The following TBC1D19 variants were observed in gnomAD, a reference collection of about 807,000 sequenced individuals.
TBC1D19 encodes TBC1 domain family member 19.
TBC1D19 carries 60 observed loss-of-function variants against 89.0 expected under a neutral mutation model. That is an observed-to-expected ratio of 0.67 (90% CI 0.55 to 0.84). TBC1D19 has a LOEUF of 0.84. TBC1D19 is among the 40% of genes least tolerant of loss of function. The pLI is 0.00. For missense variants in TBC1D19, 500 were observed against 610.8 expected (o/e 0.82, Z 1.91); for synonymous variants, 189 against 199.7 (o/e 0.95, Z 0.45).
chr4:26,709,803 G>A (rs1716019021), intron 13 of TBC1D19, among the ~76,000 whole-genome samples: 1 of 151,968 alleles, frequency 6.6e-6, no homozygotes, highest in South Asian at 2.1e-4. Flanking sequence ...TGGGGAAACA[G>A]ATTCTTGGTG....
the TBC1D19 span, among the ~76,000 whole-genome samples, chr4:26,852,187 C>T: frequency 1.4e-4 from 21 of 152,308 alleles, no homozygotes; most frequent in Admixed American, 2.0e-4. Context: ...TCCATTCTTC[C>T]AGTTGCTTAA....
chr4:26,723,910 T>C (rs1717137134), intron 15 of TBC1D19, among the ~76,000 whole-genome samples: 1 of 152,088 alleles, frequency 6.6e-6, no homozygotes, highest in Admixed American at 6.5e-5. Context: ...TGAAAGTAAT[T>C]TCAAAGAATG....
At chr4:26,815,100 C>T in the TBC1D19 span, among the ~76,000 whole-genome samples, 1 of 152,088 alleles carries the variant, frequency 6.6e-6, no homozygotes, top group South Asian at 2.1e-4. Flanking sequence ...ACAACTATAT[C>T]ACTCATTAAA....
chr4:26,580,611 A>AT (rs557642672), upstream of TBC1D19, among the ~76,000 whole-genome samples: 178 of 152,296 alleles, frequency 1.2e-3, no homozygotes, highest in African/African-American at 4.1e-3. Flanking sequence ...ACACATCATG[A>AT]TTTTTGTTTA....
the TBC1D19 span, among the ~76,000 whole-genome samples, chr4:26,815,780 T>C: frequency 6.6e-6 from 1 of 152,234 alleles, no homozygotes; most frequent in South Asian, 2.1e-4. Flanking sequence ...TTGTCGGTAA[T>C]GTATAGTTAC....
chr4:26,595,002 A>G (rs1252881712), intron 1 of TBC1D19, among the ~76,000 whole-genome samples: 2 of 152,254 alleles, frequency 1.3e-5, no homozygotes, highest in Non-Finnish European at 2.9e-5. Context: ...GTGGTTAACC[A>G]TCAGAAACTG....
chr4:26,620,098 T>A (rs148220333), intron 3 of TBC1D19, among the ~76,000 whole-genome samples: 246 of 152,354 alleles, frequency 1.6e-3, no homozygotes, highest in African/African-American at 5.6e-3. Flanking sequence ...TATGTTCCAG[T>A]GGCCCTGACT....
At chr4:26,596,987 T>A (rs1740263186) in intron 1 of TBC1D19, among the ~76,000 whole-genome samples, 2 of 152,348 alleles carry the variant, frequency 1.3e-5, no homozygotes, top group Admixed American at 1.3e-4. Context: ...TAGCCCAGAA[T>A]ATACTCAGTT....
chr4:26,673,825 A>G lies in TBC1D19; in HGVS notation c.753A>G (p.Gly251=). The change falls in exon 11 of 21, where the codon GGA becomes GGG. Residue 251 remains glycine (G), a synonymous_variant. Transcript: ENST00000264866. ...CTGCTCAACAGTACATCAGACAAGGAAGTCCCACGGCACTGAGAGCTGAAT... is the reference window on the plus strand; with the variant it reads ...CTGCTCAACAGTACATCAGACAAGGGAGTCCCACGGCACTGAGAGCTGAAT... The part of the protein sequence containing the change: ...SAAAQQYIRQ[G]SPTALRAELW... 1 of 1,611,506 alleles carries G rather than the reference A, an allele frequency of 6.2e-7. No homozygotes were observed. The highest frequency in any genetic ancestry group is 8.5e-7 in the Non-Finnish European group (1 of 1,178,308).
At chr4:26,662,560 C>G (rs1745281444) in intron 8 of TBC1D19, among the ~76,000 whole-genome samples, 1 of 152,020 alleles carries the variant, frequency 6.6e-6, no homozygotes, top group Non-Finnish European at 1.5e-5. Context: ...ATGTGGCTGT[C>G]CAGTGAAAAG....
At chr4:26,830,699 G>C in the TBC1D19 span, among the ~76,000 whole-genome samples, 1 of 152,054 alleles carries the variant, frequency 6.6e-6, no homozygotes, top group Non-Finnish European at 1.5e-5. Context: ...ACTCTTTAAG[G>C]CTTCGTGTTT....
At chr4:26,770,713 G>T in the TBC1D19 span, among the ~76,000 whole-genome samples, 1 of 151,850 alleles carries the variant, frequency 6.6e-6, no homozygotes, top group Non-Finnish European at 1.5e-5. Flanking sequence ...TATATTTTGG[G>T]CCAAAAAACA....
At chr4:26,783,629 C>A in the TBC1D19 span, among the ~76,000 whole-genome samples, 1 of 152,078 alleles carries the variant, frequency 6.6e-6, no homozygotes, top group Non-Finnish European at 1.5e-5. Context: ...TGCAAAAGAA[C>A]TTGTCATCTC....
the TBC1D19 span, among the ~76,000 whole-genome samples, chr4:26,846,025 G>A: frequency 6.6e-6 from 1 of 152,110 alleles, no homozygotes; most frequent in Non-Finnish European, 1.5e-5. Context: ...TTTGTGTTTG[G>A]CTTTTTTCAC....
At chr4:26,687,799 A>T (rs1205934493) in intron 12 of TBC1D19, among the ~76,000 whole-genome samples, 1 of 152,146 alleles carries the variant, frequency 6.6e-6, no homozygotes, top group Admixed American at 6.6e-5. Context: ...GAATAGGAAT[A>T]TATTTAAAGA....
At chr4:26,807,244 C>T in the TBC1D19 span, among the ~76,000 whole-genome samples, 1 of 152,140 alleles carries the variant, frequency 6.6e-6, no homozygotes, top group African/African-American at 2.4e-5. Flanking sequence ...GGTATCCGAC[C>T]TGACTCAGCC....
intron 18 of TBC1D19, among the ~76,000 whole-genome samples, chr4:26,744,290 AGG>A (rs1195065769): frequency 1.3e-5 from 2 of 151,636 alleles, no homozygotes; most frequent in Non-Finnish European, 3.0e-5. Context: ...TTCTGGCTGC[AGG>A]TTTATCAATT....
intron 13 of TBC1D19, among the ~76,000 whole-genome samples, chr4:26,696,257 A>G (rs1429321936): frequency 1.3e-5 from 2 of 152,238 alleles, no homozygotes; most frequent in African/African-American, 4.8e-5. Flanking sequence ...CAAAAGAGAC[A>G]AAGAAGGCCA....
chr4:26,823,973 G>C, the TBC1D19 span, among the ~76,000 whole-genome samples: 1 of 152,208 alleles, frequency 6.6e-6, no homozygotes, highest in Admixed American at 6.5e-5. Flanking sequence ...CCAGTGATGG[G>C]CACATGGCCC....
Sources: allele counts gnomAD v4.1 joint callset (sites outside exome capture counted in the v4.1 genomes callset), GRCh38; gene constraint gnomAD v4.1.1; transcripts MANE v1.5; gene names NCBI Gene and HGNC (gene_info 2026-07-23, HGNC 2026-07-21).